The following PANK3 variants were observed in gnomAD, a reference collection of about 807,000 sequenced individuals.
PANK3 encodes hPanK3.
In PANK3, 20 loss-of-function variants were observed where a neutral mutation model predicts 39.4. The observed-to-expected ratio is 0.51, with a 90% CI of 0.36 to 0.74. The LOEUF is 0.74. PANK3 is among the 30% of genes least tolerant of loss of function. PANK3 has a pLI of 0.00. For missense variants in PANK3, 265 were observed against 437.0 expected, an observed-to-expected ratio of 0.61 and a Z score of 3.51; for synonymous variants, 140 against 157.3, an observed-to-expected ratio of 0.89 and a Z score of 0.82.
rs912000256 is a variant in PANK3 at position 168,555,818 on chromosome 5, CTG to C, written c.*1751_*1752del. ...AGATAGTTTATTTTATACAAACAAACTGTATTTCTTATTATTCCTGAAATATC... is the reference window on the plus strand; with the variant it reads ...AGATAGTTTATTTTATACAAACAAACTATTTCTTATTATTCCTGAAATATC... On this transcript the variant is annotated 3_prime_UTR_variant, in exon 7 of 7. Coordinates refer to ENST00000239231, the MANE Select transcript of PANK3 (RefSeq NM_024594.4). 1.3e-5 allele frequency: 2 copies of C among 152,226 alleles called. No individual in the cohort carries two copies. Among genetic ancestry groups the C allele is most frequent in the African/African-American group, 2.4e-5 (1 of 41,468 alleles). 9.4% of individuals were successfully genotyped at this position (152,226 alleles called of 1,614,324 possible).
At chr5:168,570,396 A>G (rs535605195) in intron 1 of PANK3, among the ~76,000 whole-genome samples, 49 of 150,904 alleles carry the variant, frequency 3.2e-4, no homozygotes, top group African/African-American at 9.5e-4. Flanking sequence ...AAAAAAAAAA[A>G]AAAGAAAGAA....
rs1172158567 is a variant in PANK3 at position 168,550,088 on chromosome 5, G to A, written c.*7483C>T. ...TTATGGTTTTTCAACTTTATAATGGGGCAAAAGCAATACACATTCAGTTAA... is the reference window on the plus strand; with the variant it reads ...TTATGGTTTTTCAACTTTATAATGGAGCAAAAGCAATACACATTCAGTTAA... On this transcript the variant is annotated 3_prime_UTR_variant, in exon 7 of 7. Transcript: ENST00000239231. 1 of 151,932 alleles carries A rather than the reference G, an allele frequency of 6.6e-6. No homozygotes were observed. Among genetic ancestry groups the A allele is most frequent in the Non-Finnish European group, 1.5e-5 (1 of 67,990 alleles). The allele number at this position is 151,932 out of a possible 1,614,324, so 9.4% of individuals were successfully genotyped here. A position where few individuals can be genotyped will look rare whatever the true frequency, so the allele number is the denominator to read the frequency against.
chr5:168,559,140 G>T lies in PANK3; in HGVS notation c.954C>A (p.Val318=). ...CAVNEKINRV[V]FVGNFLRVNT... is the part of the protein sequence containing the mutation. ...TGACACGTAAAAAGTTTCCAACAAA[G>T]ACAACTCTGTTTATTTTCTAAAAGA... Residue 318 remains valine (V), a synonymous_variant, in exon 6 of 7, where the codon GTC becomes GTA. Transcript: ENST00000239231. The T allele has an allele frequency of 2.6e-6, 4 of 1,548,436 alleles. No homozygotes were observed. The South Asian group carries it at 4.9e-5, about 19-fold the overall frequency.
At position 168,568,854 on chromosome 5, in the gene PANK3, T is replaced by G. The variant is rs760823330; in HGVS notation, c.173A>C (p.Tyr58Ser). 18 of 1,613,898 alleles carry G rather than the reference T, an allele frequency of 1.1e-5. No homozygotes were observed. The highest frequency in any genetic ancestry group is 1.4e-5 in the Non-Finnish European group (17 of 1,179,976). Residue 58 changes from tyrosine to serine, a missense_variant, in exon 2 of 7, where the codon TAT becomes TCT. Tyr to Ser is a moderately radical substitution (Grantham distance 144). Coordinates refer to ENST00000239231, the MANE Select transcript of PANK3 (RefSeq NM_024594.4). ...TACATCCCGAATGCCGGTGGATCCA[T>G]ATGCCACGTTAGAAGTCAAATATTT... Reference protein sequence around the residue: ...IRKYLTSNVAYGSTGIRDVHL... With the variant: ...IRKYLTSNVASGSTGIRDVHL...
At chr5:168,575,204 C>G (rs1561843740) in intron 1 of PANK3, among the ~76,000 whole-genome samples, 1 of 152,168 alleles carries the variant, frequency 6.6e-6, no homozygotes, top group East Asian at 1.9e-4. Flanking sequence ...AGCTCTTATT[C>G]TATGTCTCAA....
At chr5:168,565,885 A>ATATATATATATATTT (rs1441027360) in intron 3 of PANK3, 128 bp downstream of exon 3, 7 of 192,932 alleles carry the variant, frequency 3.6e-5, no homozygotes, top group African/African-American at 1.9e-4. Context: ...ATATATATAT[A>ATATATATATATATTT]TTTTTTTTTT....
rs1038733863 is a variant in PANK3, at chr5:168,573,611, G to A, written c.29-4613C>T. ...ATGTATACATGTGCCATCCTGGTAC[G>A]CTGCACCAACTCGTCATCTAGCATT... is the stretch of plus-strand genomic sequence containing the variant. On this transcript the variant is annotated intron_variant, in intron 1 of 6. Transcript: ENST00000239231. Among the ~76,000 whole-genome samples, 4 of 151,174 alleles carry A rather than the reference G, an allele frequency of 2.6e-5. No individual in the cohort carries two copies. The East Asian group carries it at 5.8e-4, about 22-fold the overall frequency.
chr5:168,577,963 C>G (rs1471714841), intron 1 of PANK3, among the ~76,000 whole-genome samples: 2 of 152,166 alleles, frequency 1.3e-5, no homozygotes, highest in Admixed American at 1.3e-4. Flanking sequence ...TTCATTTAAG[C>G]CTTCACATCA....
At chr5:168,573,374 T>C (rs113560212) in intron 1 of PANK3, among the ~76,000 whole-genome samples, 4,205 of 67,468 alleles carry the variant, frequency 0.062, 201 homozygotes, top group African/African-American at 0.2. Context: ...GCCAGAAAAA[T>C]AATCACTATT....
chr5:168,562,519 T>C (rs1044880705), intron 4 of PANK3, among the ~76,000 whole-genome samples: 1 of 152,188 alleles, frequency 6.6e-6, no homozygotes, highest in South Asian at 2.1e-4. Context: ...CAAAGGGCAC[T>C]GGATTCCCTG....
intron 2 of PANK3, among the ~76,000 whole-genome samples, chr5:168,567,775 A>G (rs1001308521): frequency 6.6e-6 from 1 of 152,140 alleles, no homozygotes; most frequent in Non-Finnish European, 1.5e-5. Context: ...ACAGGCCACT[A>G]TGCTGAGCTA....
intron 3 of PANK3, 138 bp downstream of exon 3, chr5:168,565,875 A>ATT (rs1759519656): frequency 5.4e-6 from 1 of 185,928 alleles, no homozygotes; most frequent in South Asian, 1.8e-4. Flanking sequence ...AAAAATATAT[A>ATT]TATATATATA....
intron 6 of PANK3, among the ~76,000 whole-genome samples, chr5:168,558,725 C>A (rs1277757290): frequency 2.0e-5 from 3 of 152,160 alleles, no homozygotes; most frequent in African/African-American, 7.2e-5. Flanking sequence ...CTACTTAAGG[C>A]TGGGCATGGT....
intron 5 of PANK3, 82 bp from the exon 6 acceptor site, chr5:168,559,239 T>A: frequency 1.0e-6 from 1 of 992,170 alleles, no homozygotes; most frequent in Non-Finnish European, 1.4e-6. Flanking sequence ...TATTTAAAAT[T>A]TATTTTAAAA....
At chr5:168,570,074 C>A (rs915080859) in intron 1 of PANK3, among the ~76,000 whole-genome samples, 1 of 151,864 alleles carries the variant, frequency 6.6e-6, no homozygotes, top group Non-Finnish European at 1.5e-5. Context: ...AAAAGCAATT[C>A]CCTTCAGTAA....
At chr5:168,574,263 G>A (rs1306185668) in intron 1 of PANK3, among the ~76,000 whole-genome samples, 1 of 150,960 alleles carries the variant, frequency 6.6e-6, no homozygotes, top group Admixed American at 6.6e-5. Context: ...TTTCTCTGAT[G>A]GCCAGTGATG....
At chr5:168,570,038 A>G (rs1428022905) in intron 1 of PANK3, among the ~76,000 whole-genome samples, 3 of 152,094 alleles carry the variant, frequency 2.0e-5, no homozygotes, top group African/African-American at 7.2e-5. Context: ...TAACAGAGTG[A>G]GATCCTGTCA....
At chr5:168,573,028 A>G (rs1224594525) in intron 1 of PANK3, among the ~76,000 whole-genome samples, 1 of 152,098 alleles carries the variant, frequency 6.6e-6, no homozygotes, top group Admixed American at 6.5e-5. Context: ...TGAGAAACTA[A>G]ACAGAAGGCA....
intron 5 of PANK3, chr5:168,560,826 T>C: frequency 3.1e-6 from 1 of 318,192 alleles, no homozygotes; most frequent in South Asian, 3.1e-5. Context: ...ATGGTCAATC[T>C]AACAGTATAT....
Sources: allele counts gnomAD v4.1 joint callset (sites outside exome capture counted in the v4.1 genomes callset), GRCh38; gene constraint gnomAD v4.1.1; transcripts MANE v1.5; gene names NCBI Gene and HGNC (gene_info 2026-07-23, HGNC 2026-07-21).